ZNF385C: variants seen among roughly 807,000 people sequenced by gnomAD.
ZNF385C encodes the protein zinc finger protein 385C.
In ZNF385C, 28 loss-of-function variants were observed where a neutral mutation model predicts 35.4. The observed-to-expected ratio is 0.79, with a 90% CI of 0.59 to 1.08. ZNF385C has a LOEUF of 1.08. ZNF385C is among the 50% of genes least tolerant of loss of function. The pLI, the probability that ZNF385C is intolerant of heterozygous loss-of-function variation, is 0.00. For synonymous variants in ZNF385C, 248 were observed against 248.2 expected, an observed-to-expected ratio of 1.00 and a Z score of 0.01; for missense variants, 605 against 595.6, an observed-to-expected ratio of 1.02 and a Z score of -0.16.
intron 1 of ZNF385C, among the ~76,000 whole-genome samples, chr17:42,070,271 G>A (rs1555658687): frequency 6.6e-6 from 1 of 152,156 alleles, no homozygotes. Context: ...GTGAACCCGG[G>A]AGGCGGAGCT....
intron 1 of ZNF385C, among the ~76,000 whole-genome samples, chr17:42,087,435 A>G (rs912957536): frequency 8.3e-4 from 126 of 152,172 alleles, no homozygotes; most frequent in African/African-American, 2.8e-3. Flanking sequence ...AAAAGAAAAA[A>G]CTTGTGACAC....
intron 2 of ZNF385C, among the ~76,000 whole-genome samples, chr17:42,057,133 T>C (rs1555657586): frequency 6.7e-6 from 1 of 149,562 alleles, no homozygotes; most frequent in African/African-American, 2.6e-5. Context: ...AGACGTTGTC[T>C]CAATAAACAA....
At position 42,053,970 on chromosome 17, in the gene ZNF385C, C is replaced by T. The variant is rs149064306; in HGVS notation, c.250+8837G>A. On this transcript the variant is annotated intron_variant, in intron 2 of 8. Transcript: ENST00000692273. ...GAGGGGAGGGCGCGAGGGAGGGACT[C>T]CTGGTTCTGCCTGGAAAGCAGCGTC... 3.8e-3 allele frequency among the ~76,000 whole-genome samples: 580 copies of T among 152,316 alleles called. 4 individuals are homozygous for T. The highest frequency in any genetic ancestry group is 6.8e-3 in the Non-Finnish European group (462 of 68,026).
intron 1 of ZNF385C, among the ~76,000 whole-genome samples, chr17:42,077,193 A>G (rs1346369304): frequency 1.3e-5 from 2 of 152,184 alleles, no homozygotes; most frequent in Non-Finnish European, 2.9e-5. Context: ...TGGATCAGGC[A>G]CCTTGCTCTG....
rs542475534 is a variant in ZNF385C, at chr17:42,062,654, G to A, written c.250+153C>T. 1.2e-3 allele frequency: 474 copies of A among 404,436 alleles called. 1 individual carries two copies. Among genetic ancestry groups the A allele is most frequent in the African/African-American group, 6.2e-3 (305 of 48,802 alleles). 25.1% of individuals were successfully genotyped at this position (404,436 alleles called of 1,614,324 possible). A position where few individuals can be genotyped will look rare whatever the true frequency, so the allele number is the denominator to read the frequency against. ...ATGCAGAATAAAACTTGCTGGCATC[G>A]GGGAGGCTTCAGACCCTAAGACCCC... On this transcript the variant is annotated intron_variant, in intron 2 of 8. Transcript: ENST00000692273.
intron 2 of ZNF385C, among the ~76,000 whole-genome samples, chr17:42,054,273 C>T (rs2053335789): frequency 1.3e-5 from 2 of 152,226 alleles, no homozygotes; most frequent in South Asian, 4.1e-4. Flanking sequence ...GCTGCTGGTC[C>T]TGCTCTGCCT....
rs539578312 is a variant in ZNF385C at position 42,095,280 on chromosome 17, G to A, written c.-3+3130C>T. ...GCACTTGACTACAGTCAACACCAGC[G>A]TACCATTCATTCCCGCTGGGGATGA... On this transcript the variant is annotated intron_variant, in intron 1 of 8. Coordinates refer to ENST00000692273, the MANE Select transcript of ZNF385C (RefSeq NM_001392013.1). The surrounding 1 kb of genome is among the most constrained non-coding windows in gnomAD (Gnocchi z 4.4). 1.2e-3 allele frequency among the ~76,000 whole-genome samples: 187 copies of A among 152,238 alleles called. No individual in the cohort carries two copies. The highest frequency in any genetic ancestry group is 4.2e-3 in the African/African-American group (175 of 41,516).
In ZNF385C at chr17:42,062,815, G is replaced by T; in HGVS notation, c.242C>A (p.Ser81Ter). 1 of 603,952 alleles carries T rather than the reference G, an allele frequency of 1.7e-6. No homozygotes were observed. 37.4% of individuals were successfully genotyped at this position (603,952 alleles called of 1,614,324 possible). The change falls in exon 2 of 9, where the codon TCA (serine) becomes TAA (stop). Residue 81 changes from serine (S) to a stop codon, truncating the protein, a stop_gained. Transcript: ENST00000692273. LOFTEE classifies it high-confidence loss of function. Reference protein sequence around the residue: ...LRQLSLGKSPSGPAGPASGAP... With the variant: ...LRQLSLGKSP ...GTCCCCTCTACACTGACCTGGCCCT[G>T]AGGGGCTCTTCCCCAAGCTGAGCTG... is the stretch of plus-strand genomic sequence containing the variant.
At position 42,026,913 on chromosome 17, in the gene ZNF385C, A is replaced by G; in HGVS notation, c.1496T>C (p.Val499Ala). 6.3e-7 allele frequency: 1 copy of G among 1,597,846 alleles called. No individual in the cohort carries two copies. Among genetic ancestry groups the G allele is most frequent in the Non-Finnish European group, 8.5e-7 (1 of 1,172,044 alleles). The change falls in exon 9 of 9, where the codon GTC (valine) becomes GCC (alanine). Residue 499 changes from valine to alanine, a missense_variant. Val to Ala is a moderately conservative substitution (Grantham distance 64). Transcript: ENST00000692273. ...GAVRPATGPI[V>A]LAPY Reference sequence around the variant, plus strand: ...CCATGAGGGCTAATAAGGGGCAAGGACGATAGGTCCTGTGGCAGGGCGGAC... The same window carrying G: ...CCATGAGGGCTAATAAGGGGCAAGGGCGATAGGTCCTGTGGCAGGGCGGAC...
intron 1 of ZNF385C, among the ~76,000 whole-genome samples, chr17:42,090,305 G>A (rs1388886720): frequency 3.2e-4 from 6 of 18,748 alleles, no homozygotes; most frequent in Non-Finnish European, 5.8e-4. Flanking sequence ...TTTTTTTTTT[G>A]AGATGGAGTC....
chr17:42,081,089 C>T (rs1380110178), intron 1 of ZNF385C, among the ~76,000 whole-genome samples: 2 of 152,210 alleles, frequency 1.3e-5, no homozygotes, highest in African/African-American at 4.8e-5. Flanking sequence ...TACTATATGC[C>T]AGCCTGTCCA....
intron 1 of ZNF385C, among the ~76,000 whole-genome samples, chr17:42,076,582 A>G (rs1263534989): frequency 6.6e-6 from 1 of 152,054 alleles, no homozygotes; most frequent in Non-Finnish European, 1.5e-5. Flanking sequence ...AGATCGCGCC[A>G]CTGCACTCCA....
At chr17:42,041,854 A>G (rs1405887906) in intron 2 of ZNF385C, among the ~76,000 whole-genome samples, 1 of 152,136 alleles carries the variant, frequency 6.6e-6, no homozygotes, top group Non-Finnish European at 1.5e-5. Context: ...GGGCCATGTG[A>G]GTGATATTGA....
chr17:42,073,440 A>T (rs1598201089), intron 1 of ZNF385C, among the ~76,000 whole-genome samples: 1 of 152,138 alleles, frequency 6.6e-6, no homozygotes, highest in African/African-American at 2.4e-5. Context: ...GTCTCAAAAA[A>T]AAAAAGGTTG....
chr17:42,087,701 G>A (rs139789362), intron 1 of ZNF385C, among the ~76,000 whole-genome samples: 2 of 152,302 alleles, frequency 1.3e-5, no homozygotes, highest in Admixed American at 6.5e-5. Flanking sequence ...CGAGACAGGA[G>A]GTTCACTTGA....
intron 2 of ZNF385C, chr17:42,040,058 C>A: frequency 8.1e-7 from 1 of 1,231,170 alleles, no homozygotes; most frequent in Non-Finnish European, 1.0e-6. Context: ...GCGAAGTCGC[C>A]CAGCGCCCGC....
chr17:42,080,870 G>C (rs2053740709), intron 1 of ZNF385C, among the ~76,000 whole-genome samples: 1 of 152,214 alleles, frequency 6.6e-6, no homozygotes, highest in Non-Finnish European at 1.5e-5. Context: ...TGGAAGGCAG[G>C]GGAGGGTGAA....
intron 1 of ZNF385C, among the ~76,000 whole-genome samples, chr17:42,090,160 T>C (rs2053849576): frequency 6.6e-6 from 1 of 151,782 alleles, no homozygotes; most frequent in South Asian, 2.1e-4. Context: ...GCTCTTTTCC[T>C]TCTGACCCCT....
chr17:42,027,575 C>CCAA, intron 8 of ZNF385C, 43 bp downstream of exon 8: 1 of 1,074,108 alleles, frequency 9.3e-7, no homozygotes, highest in Non-Finnish European at 1.3e-6. Flanking sequence ...CCACCCTCTC[C>CCAA]CCTCCTGACC....
Sources: allele counts gnomAD v4.1 joint callset (sites outside exome capture counted in the v4.1 genomes callset), GRCh38; gene constraint gnomAD v4.1.1; non-coding constraint Gnocchi (gnomAD v3.1); transcripts MANE v1.5; gene names NCBI Gene and HGNC (gene_info 2026-07-23, HGNC 2026-07-21).